The following SLC22A15 variants were observed in gnomAD, a reference collection of about 807,000 sequenced individuals.
The protein encoded by SLC22A15 is flipt 1.
In SLC22A15, 45 loss-of-function variants were observed where a neutral mutation model predicts 62.7. That is an observed-to-expected ratio of 0.72 (90% CI 0.56 to 0.92). SLC22A15 has a LOEUF of 0.92. SLC22A15 is among the 40% of genes least tolerant of loss of function. The pLI is 0.00. For missense variants in SLC22A15, 622 were observed against 665.6 expected (o/e 0.93, Z 0.72); for synonymous variants, 264 against 267.0 (o/e 0.99, Z 0.11).
intron 1 of SLC22A15, among the ~76,000 whole-genome samples, chr1:115,984,019 C>T (rs1168783900): frequency 6.6e-6 from 1 of 152,122 alleles, no homozygotes; most frequent in Non-Finnish European, 1.5e-5. Context: ...TTCCACCTGC[C>T]AAGTGATGTC....
At position 116,019,517 on chromosome 1, in the gene SLC22A15, C is replaced by T. The variant is rs1656710824; in HGVS notation, c.301-65C>T. ...AATTCTGGTGTACAAGTTTTTGTTG[C>T]ACATTTGGTTTTTTAATAGCTAACT... On this transcript the variant is annotated intron_variant, in intron 2 of 11. Transcript: ENST00000369503. The T allele has an allele frequency of 2.7e-6, 4 of 1,482,940 alleles. 1 individual carries two copies. Among genetic ancestry groups the T allele is most frequent in the Non-Finnish European group, 3.6e-6 (4 of 1,111,462 alleles). 91.9% of individuals were successfully genotyped at this position (1,482,940 alleles called of 1,614,324 possible). A position where few individuals can be genotyped will look rare whatever the true frequency, so the allele number is the denominator to read the frequency against.
chr1:115,978,963 G>A (rs1471181681), intron 1 of SLC22A15, among the ~76,000 whole-genome samples: 6 of 152,162 alleles, frequency 3.9e-5, no homozygotes, highest in Admixed American at 3.3e-4. Flanking sequence ...ACAGCAACAA[G>A]GCCAGAGAGA....
At chr1:115,978,329 C>T (rs1654421629) in intron 1 of SLC22A15, among the ~76,000 whole-genome samples, 3 of 152,108 alleles carry the variant, frequency 2.0e-5, no homozygotes, top group Admixed American at 2.0e-4. Context: ...CGGTTTAGGA[C>T]CTGTTAAGTT....
At chr1:116,064,812 G>A (rs764631953) in intron 10 of SLC22A15, among the ~76,000 whole-genome samples, 12 of 152,060 alleles carry the variant, frequency 7.9e-5, no homozygotes, top group Non-Finnish European at 1.8e-4. Context: ...CACTTCTGCT[G>A]TGTGCTGGGC....
At chr1:116,042,868 T>A (rs185975705) in intron 8 of SLC22A15, among the ~76,000 whole-genome samples, 33 of 152,316 alleles carry the variant, frequency 2.2e-4, no homozygotes, top group Admixed American at 6.5e-4. Flanking sequence ...GAATATGTAT[T>A]CCATTTGAAG....
chr1:116,029,605 C>T (rs148290630), intron 5 of SLC22A15, among the ~76,000 whole-genome samples: 7 of 152,170 alleles, frequency 4.6e-5, no homozygotes, highest in African/African-American at 1.7e-4. Flanking sequence ...AATATAAGAC[C>T]GTAAGTTTTC....
chr1:116,029,440 G>A (rs76745856), intron 5 of SLC22A15, among the ~76,000 whole-genome samples: 2 of 152,100 alleles, frequency 1.3e-5, no homozygotes, highest in South Asian at 2.1e-4. Flanking sequence ...TGTAGAGGAC[G>A]GCATGTTCAA....
chr1:116,024,213 G>A (rs1656981654), intron 4 of SLC22A15, among the ~76,000 whole-genome samples: 1 of 152,202 alleles, frequency 6.6e-6, no homozygotes, highest in Admixed American at 6.5e-5. Flanking sequence ...AAGAGGATGT[G>A]TCTGAGCTGG....
At chr1:116,066,496 T>G (rs1329246790) in intron 10 of SLC22A15, 24 bp from the exon 11 acceptor site, 1 of 1,478,494 alleles carries the variant, frequency 6.8e-7, no homozygotes, top group South Asian at 1.3e-5. Flanking sequence ...TGGTTTATTT[T>G]CATTCCACTC....
chr1:115,980,341 A>T (rs1184840876), intron 1 of SLC22A15, among the ~76,000 whole-genome samples: 1 of 152,188 alleles, frequency 6.6e-6, no homozygotes, highest in Non-Finnish European at 1.5e-5. Flanking sequence ...CTAGGTACAC[A>T]TCCCACATTG....
chr1:116,058,586 T>C (rs577075371), intron 8 of SLC22A15, among the ~76,000 whole-genome samples: 1 of 152,238 alleles, frequency 6.6e-6, no homozygotes, highest in East Asian at 1.9e-4. Flanking sequence ...AAAGTAAAAC[T>C]ACCATTTGAT....
intron 8 of SLC22A15, among the ~76,000 whole-genome samples, chr1:116,046,325 G>C (rs1265917361): frequency 6.6e-6 from 1 of 152,088 alleles, no homozygotes; most frequent in African/African-American, 2.4e-5. Flanking sequence ...GACACAAACT[G>C]GGAGAAAATA....
intron 7 of SLC22A15, among the ~76,000 whole-genome samples, chr1:116,036,482 G>T (rs1451954005): frequency 6.6e-6 from 1 of 152,130 alleles, no homozygotes; most frequent in Non-Finnish European, 1.5e-5. Context: ...GAAGCAGAGG[G>T]AAGGAATGCT....
chr1:115,993,339 A>G (rs1275216026), intron 2 of SLC22A15, among the ~76,000 whole-genome samples: 1 of 151,574 alleles, frequency 6.6e-6, no homozygotes, highest in Non-Finnish European at 1.5e-5. Context: ...GCCAGCTCTC[A>G]CTTCTGGTTG....
chr1:116,047,194 T>C (rs1657948657), intron 8 of SLC22A15, among the ~76,000 whole-genome samples: 2 of 152,074 alleles, frequency 1.3e-5, no homozygotes, highest in Non-Finnish European at 2.9e-5. Context: ...TATGGGAGGC[T>C]GAGGCGGGCA....
intron 1 of SLC22A15, among the ~76,000 whole-genome samples, chr1:115,986,526 A>C (rs1219484603): frequency 1.3e-5 from 2 of 152,186 alleles, no homozygotes; most frequent in Non-Finnish European, 2.9e-5. Flanking sequence ...CGTCAGAGAG[A>C]TATCTGAGCT....
chr1:116,058,074 C>A (rs1658269394), intron 8 of SLC22A15, among the ~76,000 whole-genome samples: 1 of 118,182 alleles, frequency 8.5e-6, no homozygotes. Flanking sequence ...AATAATAATA[C>A]TGAAAAAAAA....
At chr1:115,982,111 A>G (rs1332863558) in intron 1 of SLC22A15, among the ~76,000 whole-genome samples, 4 of 152,238 alleles carry the variant, frequency 2.6e-5, no homozygotes, top group African/African-American at 9.6e-5. Context: ...TCAGAATACC[A>G]GCTTGGTTCA....
At chr1:116,026,774 A>ATAGT in intron 4 of SLC22A15, 119 bp from the exon 5 acceptor site, 1 of 1,210,106 alleles carries the variant, frequency 8.3e-7, no homozygotes, top group Non-Finnish European at 1.2e-6. Flanking sequence ...TGTGCCTCTT[A>ATAGT]TAGTTGCCAG....
Sources: gnomAD v4.1 joint callset for allele counts (sites outside exome capture counted in the v4.1 genomes callset) on GRCh38, gnomAD v4.1.1 for gene constraint, MANE v1.5 for transcripts, NCBI Gene and HGNC (gene_info 2026-07-23, HGNC 2026-07-21) for gene names.